LTBP2: variants seen among roughly 807,000 people sequenced by gnomAD.
LTBP2 encodes latent-transforming growth factor beta-binding protein 2.
LTBP2 carries 103 observed loss-of-function variants against 210.6 expected under a neutral mutation model. That is an observed-to-expected ratio of 0.49 (90% CI 0.42 to 0.58). The LOEUF (loss-of-function observed/expected upper bound fraction) is 0.58. LTBP2 is among the 20% of genes least tolerant of loss of function. LTBP2 has a pLI of 0.00. For synonymous variants in LTBP2, 1,007 were observed against 1,015.0 expected, an observed-to-expected ratio of 0.99 and a Z score of 0.15; for missense variants, 2,313 against 2,494.5, an observed-to-expected ratio of 0.93 and a Z score of 1.55.
At chr14:74,580,394 C>G (rs1165536947) in intron 3 of LTBP2, among the ~76,000 whole-genome samples, 2 of 152,144 alleles carry the variant, frequency 1.3e-5, no homozygotes, top group Non-Finnish European at 2.9e-5. Context: ...AATGGCTGAA[C>G]CCTTATAAGA....
In LTBP2 at chr14:74,586,560, TG is replaced by T. The variant is rs1315886036; in HGVS notation, c.566-443del. Among the ~76,000 whole-genome samples, 2 of 152,178 alleles carry T rather than the reference TG, an allele frequency of 1.3e-5. No individual in the cohort carries two copies. Among genetic ancestry groups the T allele is most frequent in the East Asian group, 3.9e-4 (2 of 5,188 alleles). On this transcript the variant is annotated intron_variant, in intron 2 of 35. Coordinates refer to ENST00000261978, the MANE Select transcript of LTBP2 (RefSeq NM_000428.3). This position sits in a 1 kb window ranked among gnomAD's most constrained non-coding sequence, Gnocchi z 4.6. Reference sequence around the variant, plus strand: ...AATGGATGAATGAATCAGTCTCTTTTGCGGGAAAGGGCCCAACACTGGCCTG... The same window carrying T: ...AATGGATGAATGAATCAGTCTCTTTTCGGGAAAGGGCCCAACACTGGCCTG...
intron 1 of LTBP2, among the ~76,000 whole-genome samples, chr14:74,604,164 C>CAAACAAAAA (rs1273987376): frequency 1.1e-4 from 8 of 72,750 alleles, no homozygotes; most frequent in African/African-American, 6.0e-4. Flanking sequence ...TGCCTCTCAC[C>CAAACAAAAA]AAAAAAAAAA....
At chr14:74,596,347 A>G (rs2088363772) in intron 2 of LTBP2, among the ~76,000 whole-genome samples, 1 of 152,218 alleles carries the variant, frequency 6.6e-6, no homozygotes, top group Non-Finnish European at 1.5e-5. Context: ...CAGAAGAACA[A>G]GGCCGGTGGG....
chr14:74,510,179 G>A lies in LTBP2; in HGVS notation c.3063C>T (p.Ala1021=). Residue 1021 remains alanine, a synonymous_variant, in exon 20 of 36, where the codon GCC becomes GCT. Transcript: ENST00000261978. ...VNECLTPGVC[A]HGKCTNLEGS... ...CTTCTAGGTTGGTGCACTTTCCATGGGCACAGACCCCGGGAGTCAGACACT... is the reference window on the plus strand; with the variant it reads ...CTTCTAGGTTGGTGCACTTTCCATGAGCACAGACCCCGGGAGTCAGACACT... The A allele has an allele frequency of 1.2e-6, 2 of 1,614,032 alleles. No homozygotes were observed. The highest frequency in any genetic ancestry group is 1.7e-6 in the Non-Finnish European group (2 of 1,180,020).
intron 3 of LTBP2, among the ~76,000 whole-genome samples, chr14:74,585,529 G>C (rs1267108524): frequency 2.0e-5 from 3 of 152,200 alleles, no homozygotes; most frequent in Non-Finnish European, 4.4e-5. Context: ...GCCCACCTGG[G>C]AAATGGCAAA....
intron 5 of LTBP2, 127 bp from the exon 6 acceptor site, chr14:74,552,520 C>T (rs1595271155): frequency 4.7e-6 from 4 of 844,296 alleles, no homozygotes; most frequent in African/African-American, 1.7e-5. Flanking sequence ...GCCCGGAGCC[C>T]CCTGAAATGT....
At chr14:74,594,799 C>G (rs74828858) in intron 2 of LTBP2, among the ~76,000 whole-genome samples, 2,284 of 152,318 alleles carry the variant, frequency 0.015, 62 homozygotes, top group African/African-American at 0.049. Flanking sequence ...TGGCTCACAC[C>G]CACACTCGGA....
intron 8 of LTBP2, among the ~76,000 whole-genome samples, chr14:74,537,697 C>T (rs2087439840): frequency 6.6e-6 from 1 of 152,132 alleles, no homozygotes; most frequent in Admixed American, 6.6e-5. Flanking sequence ...AATATATGTC[C>T]ACTGGTTCAT....
chr14:74,530,258 G>A (rs1414853968), intron 10 of LTBP2, among the ~76,000 whole-genome samples: 1 of 152,230 alleles, frequency 6.6e-6, no homozygotes, highest in Non-Finnish European at 1.5e-5. Flanking sequence ...TTGGGTCAGG[G>A]ATGGGCACTT....
At chr14:74,557,873 C>T (rs939761205) in intron 3 of LTBP2, among the ~76,000 whole-genome samples, 1 of 152,296 alleles carries the variant, frequency 6.6e-6, no homozygotes, top group African/African-American at 2.4e-5. Context: ...CTGTGTCCTG[C>T]GCCAGCCGAC....
Position 74,502,930 on chromosome 14 carries a change from G to C in LTBP2, c.4893C>G (p.Val1631=), listed in dbSNP as rs367858833. The C allele has an allele frequency of 6.2e-7, 1 of 1,611,598 alleles. No homozygotes were observed. Among genetic ancestry groups the C allele is most frequent in the East Asian group, 2.2e-5 (1 of 44,880 alleles). Residue 1631 remains valine, a synonymous_variant, in exon 34 of 36, where the codon GTC becomes GTG. Coordinates refer to ENST00000261978, the MANE Select transcript of LTBP2 (RefSeq NM_000428.3). ...CALCPPRSSE[V]YAQLCNVARI... is the part of the protein sequence containing the mutation. ...GAGCCACGTTGCACAGCTGAGCATA[G>C]ACCTCTGTCAGGGAGGAGGGAGAGA...
chr14:74,602,234 C>A (rs922181266), intron 2 of LTBP2, among the ~76,000 whole-genome samples: 13 of 152,212 alleles, frequency 8.5e-5, no homozygotes, highest in African/African-American at 2.9e-4. Context: ...TCCCAAGCAA[C>A]CCGAGCTTCA....
intron 3 of LTBP2, among the ~76,000 whole-genome samples, chr14:74,557,951 C>T (rs2087749641): frequency 6.6e-6 from 1 of 152,186 alleles, no homozygotes; most frequent in Admixed American, 6.5e-5. Context: ...GCATCCCTTC[C>T]CCCAGTAGGT....
intron 15 of LTBP2, among the ~76,000 whole-genome samples, chr14:74,523,213 G>A (rs1319299849): frequency 1.3e-5 from 2 of 151,756 alleles, no homozygotes; most frequent in African/African-American, 4.8e-5. Flanking sequence ...CTCCATCCTA[G>A]CCCCACCCCG....
chr14:74,498,668 AGC>A lies in LTBP2; in HGVS notation c.*2214_*2215del. 1 of 232,466 alleles carries A rather than the reference AGC, an allele frequency of 4.3e-6. No homozygotes were observed. Among genetic ancestry groups the A allele is most frequent in the African/African-American group, 2.2e-5 (1 of 45,416 alleles). 14.4% of individuals were successfully genotyped at this position (232,466 alleles called of 1,614,324 possible). ...GGAGTGTTGTGGGGGCAGTGGGAACAGCAGTTACGAAGGTGTAGTGCCAGCAG... is the reference window on the plus strand; with the variant it reads ...GGAGTGTTGTGGGGGCAGTGGGAACAAGTTACGAAGGTGTAGTGCCAGCAG... On this transcript the variant is annotated 3_prime_UTR_variant, in exon 36 of 36. Coordinates refer to ENST00000261978, the MANE Select transcript of LTBP2 (RefSeq NM_000428.3).
intron 3 of LTBP2, among the ~76,000 whole-genome samples, chr14:74,573,995 C>G (rs28651311): frequency 0.099 from 15,050 of 152,126 alleles, 1,085 homozygotes; most frequent in African/African-American, 0.2. Flanking sequence ...ATGCTCTTAG[C>G]CACTGTGCCG....
chr14:74,555,829 ACTCCCAGACAT>A, intron 3 of LTBP2, 136 bp from the exon 4 acceptor site: 3 of 563,674 alleles, frequency 5.3e-6, no homozygotes, highest in Non-Finnish European at 8.4e-6. Flanking sequence ...TGTATGGCTG[ACTCCCAGACAT>A]GAAGGTGCCC....
rs763059627 is a variant in LTBP2 at position 74,503,211 on chromosome 14, C to T, written c.4888+8G>A. 7.4e-5 allele frequency: 120 copies of T among 1,613,672 alleles called. No homozygotes were observed. Among genetic ancestry groups the T allele is most frequent in the Non-Finnish European group, 9.7e-5 (114 of 1,179,992 alleles). On this transcript the variant is annotated splice_region_variant and intron_variant, in intron 33 of 35. Coordinates refer to ENST00000261978, the MANE Select transcript of LTBP2 (RefSeq NM_000428.3). ...GCCCTGCAGGGTATCCCCTTTGCTC[C>T]CCCTCACCAGAGCTCCTCGGGGGAC... is the stretch of plus-strand genomic sequence containing the variant.
chr14:74,522,867 C>A lies in LTBP2; in HGVS notation c.2582G>T (p.Cys861Phe). The change falls in exon 16 of 36, where the codon TGC becomes TTC. Residue 861 changes from cysteine to phenylalanine, a missense_variant. Around this residue, in one of 3 missense-constraint regions of LTBP2, gnomAD observed 1,867 missense variants for 1,976.9 expected, o/e 0.94. Transcript: ENST00000261978. Reference sequence around the variant, plus strand: ...TCTGTATCCATCGGGGAGGTTCACGCAGGTTCCAGGGCCACAGACGTTGGT... The same window carrying A: ...TCTGTATCCATCGGGGAGGTTCACGAAGGTTCCAGGGCCACAGACGTTGGT... ...GATNVCGPGTCVNLPDGYRCV... is the reference protein window; with the variant it reads ...GATNVCGPGTFVNLPDGYRCV... 6.2e-7 allele frequency: 1 copy of A among 1,612,872 alleles called. No individual in the cohort carries two copies. Among genetic ancestry groups the A allele is most frequent in the South Asian group, 1.1e-5 (1 of 90,754 alleles).
Sources: allele counts gnomAD v4.1 joint callset (sites outside exome capture counted in the v4.1 genomes callset), GRCh38; gene constraint gnomAD v4.1.1; regional missense constraint gnomAD v4.1.1; non-coding constraint Gnocchi (gnomAD v3.1); transcripts MANE v1.5; gene names NCBI Gene and HGNC (gene_info 2026-07-23, HGNC 2026-07-21).